The following DAB1 variants were observed in gnomAD, a reference collection of about 807,000 sequenced individuals.
DAB1 encodes disabled homolog 1.
DAB1 carries 15 observed loss-of-function variants against 64.6 expected under a neutral mutation model. That is an observed-to-expected ratio of 0.23 (90% CI 0.16 to 0.36). The LOEUF (loss-of-function observed/expected upper bound fraction) is 0.36. Ranked by LOEUF, DAB1 falls within the 10% of genes least tolerant of loss-of-function variation. The probability of loss-of-function intolerance (pLI) is 1.00; values close to 1 mark genes in which losing one functional copy is unlikely to be tolerated. For synonymous variants in DAB1, 235 were observed against 251.9 expected (o/e 0.93, Z 0.64); for missense variants, 596 against 706.7 (o/e 0.84, Z 1.78).
chr1:58,466,614 T>A (rs1476979116), intron 3 of DAB1, among the ~76,000 whole-genome samples: 1 of 152,172 alleles, frequency 6.6e-6, no homozygotes, highest in Non-Finnish European at 1.5e-5. Context: ...TCTTCAGGCC[T>A]CAGAGAGGCT....
rs1436052316 is a variant in DAB1, at chr1:57,225,598, G to A, written c.67+65366C>T. 5.3e-5 allele frequency among the ~76,000 whole-genome samples: 8 copies of A among 152,064 alleles called. No homozygotes were observed. In the East Asian group the frequency reaches 7.7e-4, roughly 15 times the overall value. On this transcript the variant is annotated intron_variant, in intron 2 of 14. Transcript: ENST00000371236. ...TGCTCTCAAGAAGCTCACGGTGTAC[G>A]GTAAGAGATGACAACAGATAAATTC...
intron 8 of DAB1, among the ~76,000 whole-genome samples, chr1:57,065,302 T>C (rs1344982228): frequency 1.3e-5 from 2 of 152,118 alleles, no homozygotes; most frequent in African/African-American, 2.4e-5. Flanking sequence ...AAATAAAAAT[T>C]GCTAAGCACG....
chr1:58,234,539 G>A (rs1433085092), intron 4 of DAB1, among the ~76,000 whole-genome samples: 3 of 152,194 alleles, frequency 2.0e-5, no homozygotes, highest in Admixed American at 6.5e-5. Flanking sequence ...GGCTGGCAGC[G>A]TGGAAGGAGT....
At chr1:58,072,144 C>T (rs1449410958) in intron 5 of DAB1, among the ~76,000 whole-genome samples, 1 of 151,470 alleles carries the variant, frequency 6.6e-6, no homozygotes, top group Non-Finnish European at 1.5e-5. Context: ...TCATCATGAA[C>T]TCTTTTTATG....
At chr1:58,016,161 A>G (rs1022782338) in intron 5 of DAB1, among the ~76,000 whole-genome samples, 2 of 151,426 alleles carry the variant, frequency 1.3e-5, no homozygotes, top group African/African-American at 4.9e-5. Flanking sequence ...GGGTCAGTAC[A>G]TTTTTTTTTC....
chr1:58,055,882 G>GTTGTTATTATTATTATTA (rs375780832), intron 5 of DAB1, among the ~76,000 whole-genome samples: 22 of 147,700 alleles, frequency 1.5e-4, no homozygotes, highest in Admixed American at 1.4e-3. Flanking sequence ...ATCACACCGA[G>GTTGTTATTATTATTATTA]TTATTATTAT....
intron 7 of DAB1, among the ~76,000 whole-genome samples, chr1:57,488,387 G>A (rs1416482757): frequency 6.9e-5 from 9 of 130,004 alleles, no homozygotes; most frequent in Non-Finnish European, 1.3e-4. Context: ...GGGCGACAGA[G>A]CCAGATTCCG....
intron 2 of DAB1, among the ~76,000 whole-genome samples, chr1:57,246,752 G>A (rs1023509734): frequency 4.6e-5 from 7 of 152,224 alleles, no homozygotes; most frequent in Non-Finnish European, 1.0e-4. Context: ...CGCTCCAGGG[G>A]CAGAGCTGCC....
intron 4 of DAB1, among the ~76,000 whole-genome samples, chr1:58,227,102 T>C (rs1377622394): frequency 6.6e-6 from 1 of 152,214 alleles, no homozygotes; most frequent in Non-Finnish European, 1.5e-5. Flanking sequence ...TGGCTAAATG[T>C]AGAATTATTT....
intron 3 of DAB1, among the ~76,000 whole-genome samples, chr1:58,482,415 T>C (rs1645503526): frequency 6.6e-6 from 1 of 152,230 alleles, no homozygotes; most frequent in South Asian, 2.1e-4. Flanking sequence ...TAGAACTATT[T>C]AACTCTTCAA....
intron 6 of DAB1, among the ~76,000 whole-genome samples, chr1:57,792,794 T>C (rs369532270): frequency 4.1e-4 from 62 of 152,334 alleles, no homozygotes; most frequent in African/African-American, 1.4e-3. Context: ...ATGTACCCCA[T>C]AGGGCCTTGC....
At chr1:57,842,211 A>G (rs1313644112) in intron 1 of DAB1, among the ~76,000 whole-genome samples, 2 of 152,186 alleles carry the variant, frequency 1.3e-5, no homozygotes, top group Admixed American at 1.3e-4. Flanking sequence ...AGCAAGAGTT[A>G]TCTTTACTCC....
intron 5 of DAB1, among the ~76,000 whole-genome samples, chr1:57,980,364 C>T (rs1318801106): frequency 2.0e-5 from 3 of 152,062 alleles, no homozygotes. Context: ...GGTGAAATAT[C>T]CCCCACTTTT....
chr1:58,298,878 C>T lies in DAB1; in HGVS notation n.309+44474G>A, dbSNP rs536659698. Among the ~76,000 whole-genome samples the T allele has an allele frequency of 5.3e-5, 8 of 152,320 alleles. 1 individual carries two copies. In the South Asian group the frequency reaches 1.7e-3, roughly 32 times the overall value. On this transcript the variant is annotated intron_variant and non_coding_transcript_variant, in intron 4 of 20. Coordinates refer to the DAB1 transcript ENST00000485760. The stretch of plus-strand genomic sequence containing the variant: ...TCCTTCTTTGTAGCACCTCTAATTA[C>T]TCTACTCTATGTAGAAGTATGTTAC...
intron 1 of DAB1, among the ~76,000 whole-genome samples, chr1:57,379,119 T>G (rs1051071300): frequency 2.6e-5 from 4 of 152,082 alleles, no homozygotes; most frequent in African/African-American, 9.7e-5. Flanking sequence ...TAAGAGTTCC[T>G]AAAGATTAGA....
At chr1:58,538,041 A>G (rs1646545554) in intron 1 of DAB1, among the ~76,000 whole-genome samples, 3 of 152,252 alleles carry the variant, frequency 2.0e-5, no homozygotes, top group Admixed American at 6.5e-5. Context: ...CATGAAAAAC[A>G]CAATAAGTTA....
chr1:58,342,714 G>A (rs1643953749), intron 4 of DAB1, among the ~76,000 whole-genome samples: 1 of 151,976 alleles, frequency 6.6e-6, no homozygotes, highest in African/African-American at 2.4e-5. Context: ...AAATCCTGGA[G>A]GCATCCTAGA....
intron 5 of DAB1, among the ~76,000 whole-genome samples, chr1:58,067,993 A>T (rs568034858): frequency 6.6e-6 from 1 of 152,386 alleles, no homozygotes; most frequent in African/African-American, 2.4e-5. Flanking sequence ...GAGAATTTAA[A>T]GACAGTCTTA....
At chr1:57,640,696 A>G (rs1646117786) in intron 7 of DAB1, among the ~76,000 whole-genome samples, 1 of 152,242 alleles carries the variant, frequency 6.6e-6, no homozygotes, top group Non-Finnish European at 1.5e-5. Flanking sequence ...ACTCACTAAA[A>G]GAGAAGAATG....
Sources: gnomAD v4.1 joint callset for allele counts (sites outside exome capture counted in the v4.1 genomes callset) on GRCh38, gnomAD v4.1.1 for gene constraint, MANE v1.5 for transcripts, NCBI Gene and HGNC (gene_info 2026-07-23, HGNC 2026-07-21) for gene names.